SHLD2: variants seen among roughly 807,000 people sequenced by gnomAD.
SHLD2 encodes RINN1-REV7-interacting novel NHEJ regulator 2.
A neutral mutation model predicts 73.2 loss-of-function variants in SHLD2; 30 were observed. The observed-to-expected ratio is 0.41, with a 90% CI of 0.31 to 0.56. SHLD2 has a LOEUF of 0.56. SHLD2 is among the 20% of genes least tolerant of loss of function. The pLI is 0.28. For missense variants in SHLD2, 745 were observed against 1,055.9 expected (o/e 0.71, Z 4.08); for synonymous variants, 285 against 370.1 (o/e 0.77, Z 2.64).
chr10:87,146,731 G>A (rs1342353709), intron 2 of SHLD2, among the ~76,000 whole-genome samples: 5 of 151,910 alleles, frequency 3.3e-5, no homozygotes, highest in Non-Finnish European at 7.4e-5. Context: ...AGACAAATAA[G>A]TGAAGGCACA....
At position 87,140,672 on chromosome 10, in the gene SHLD2, C is replaced by T. The variant is rs772489364; in HGVS notation, c.-5-10678C>T. On this transcript the variant is annotated intron_variant, in intron 2 of 9. Coordinates refer to ENST00000298786, the MANE Select transcript of SHLD2 (RefSeq NM_001330112.2). ...AATAGAATAAACAAATATAATCATA[C>T]CTAGGTATGTAATAATAAAATTAGT... is the stretch of plus-strand genomic sequence containing the variant. Among the ~76,000 whole-genome samples, 207 of 151,036 alleles carry T rather than the reference C, an allele frequency of 1.4e-3. 2 individuals are homozygous for T. The highest frequency in any genetic ancestry group is 3.5e-3 in the Middle Eastern group (1 of 286).
intron 2 of SHLD2, among the ~76,000 whole-genome samples, chr10:87,120,749 G>A (rs191184694): frequency 8.0e-4 from 121 of 152,168 alleles, no homozygotes; most frequent in Admixed American, 2.9e-3. Flanking sequence ...TATTTCCTTT[G>A]CAGCCCACAC....
intron 4 of SHLD2, among the ~76,000 whole-genome samples, chr10:87,166,143 A>G (rs555559566): frequency 1.1e-4 from 16 of 152,190 alleles, no homozygotes; most frequent in Non-Finnish European, 1.8e-4. Context: ...ACTTTTCTTC[A>G]ACACCGTATT....
intron 4 of SHLD2, among the ~76,000 whole-genome samples, chr10:87,166,418 A>G (rs937387063): frequency 7.2e-5 from 11 of 152,252 alleles, no homozygotes; most frequent in African/African-American, 2.6e-4. Context: ...ATAGTAATAA[A>G]TGTAACAAAG....
At chr10:87,151,023 C>CAT (rs1845974220) in intron 2 of SHLD2, among the ~76,000 whole-genome samples, 1 of 152,026 alleles carries the variant, frequency 6.6e-6, no homozygotes, top group Admixed American at 6.5e-5. Context: ...CGGCGTTTCA[C>CAT]GCTGTTAGGC....
At chr10:87,160,848 AG>A (rs1393453414) in intron 4 of SHLD2, among the ~76,000 whole-genome samples, 1 of 152,028 alleles carries the variant, frequency 6.6e-6, no homozygotes, top group Non-Finnish European at 1.5e-5. Flanking sequence ...AAAATTAGCC[AG>A]GTGTGGTGGT....
intron 2 of SHLD2, among the ~76,000 whole-genome samples, chr10:87,122,812 C>G (rs1843719569): frequency 6.6e-6 from 1 of 152,246 alleles, no homozygotes; most frequent in Admixed American, 6.5e-5. Context: ...GAGTCTCGCT[C>G]TGTCGCCCAG....
intron 2 of SHLD2, among the ~76,000 whole-genome samples, chr10:87,147,605 A>G (rs1320497090): frequency 1.3e-5 from 2 of 152,026 alleles, no homozygotes; most frequent in Non-Finnish European, 2.9e-5. Context: ...GAGATTACCC[A>G]TAGTAGGCCT....
At chr10:87,130,522 A>G (rs1844352335) in intron 2 of SHLD2, among the ~76,000 whole-genome samples, 1 of 152,164 alleles carries the variant, frequency 6.6e-6, no homozygotes, top group Admixed American at 6.5e-5. Flanking sequence ...GTAGTAACCT[A>G]ACCATGTGGT....
At chr10:87,100,781 T>A (rs1397975358) in intron 2 of SHLD2, among the ~76,000 whole-genome samples, 1 of 152,120 alleles carries the variant, frequency 6.6e-6, no homozygotes, top group Non-Finnish European at 1.5e-5. Flanking sequence ...CCAGGCCGAT[T>A]ACTCTAGCTT....
At position 87,190,535 on chromosome 10, in the gene SHLD2, C is replaced by G. The variant is rs200904581; in HGVS notation, c.2567C>G (p.Ser856Cys). ...YGMVVADLFHSLLAVSAEPCV... is the reference protein window; with the variant it reads ...YGMVVADLFHCLLAVSAEPCV... ...ATGGTCGTGGCAGACCTGTTCCACT[C>G]CTTGTTGGCAGTCAGCGCAGAACCT... is the stretch of plus-strand genomic sequence containing the variant. Residue 856 changes from serine (S) to cysteine (C), a missense_variant, in exon 10 of 10, where the codon TCC (serine) becomes TGC (cysteine). Around this residue, in one of 5 missense-constraint regions of SHLD2, gnomAD observed 418 missense variants for 567.8 expected, o/e 0.74. Coordinates refer to ENST00000298786, the MANE Select transcript of SHLD2 (RefSeq NM_001330112.2). 2.9e-5 allele frequency: 46 copies of G among 1,611,944 alleles called. No homozygotes were observed. The highest frequency in any genetic ancestry group is 5.9e-6 in the Non-Finnish European group (7 of 1,179,822).
In SHLD2 at chr10:87,170,863, C is replaced by A; in HGVS notation, c.1852C>A (p.Gln618Lys). 6.2e-7 allele frequency: 1 copy of A among 1,611,344 alleles called. No individual in the cohort carries two copies. Among genetic ancestry groups the A allele is most frequent in the Non-Finnish European group, 8.5e-7 (1 of 1,179,678 alleles). ...LTEAVYSYRGQKQKKVMLTVE... is the reference protein window; with the variant it reads ...LTEAVYSYRGKKQKKVMLTVE... ...AGAGGCAGTATACAGTTATAGAGGA[C>A]AGAAGCAGAAAAAAGTTATGTTAAC... is the stretch of plus-strand genomic sequence containing the variant. The change falls in exon 6 of 10, where the codon CAG becomes AAG. Residue 618 changes from glutamine (Q) to lysine (K), a missense_variant. Transcript: ENST00000298786.
At chr10:87,120,482 C>T (rs1331821948) in intron 2 of SHLD2, among the ~76,000 whole-genome samples, 6 of 151,688 alleles carry the variant, frequency 4.0e-5, no homozygotes, top group Non-Finnish European at 4.4e-5. Context: ...CTCCTGACCT[C>T]GTGATCTGCC....
At chr10:87,110,345 C>T (rs1842841577) in intron 2 of SHLD2, among the ~76,000 whole-genome samples, 2 of 152,016 alleles carry the variant, frequency 1.3e-5, no homozygotes, top group South Asian at 4.2e-4. Flanking sequence ...CACAATGGCT[C>T]ATGCCTGTAA....
intron 2 of SHLD2, among the ~76,000 whole-genome samples, chr10:87,116,589 G>T (rs1440376514): frequency 9.4e-6 from 1 of 106,838 alleles, no homozygotes; most frequent in East Asian, 3.6e-4. Context: ...GGGGGGATAA[G>T]GTCATCCACT....
At chr10:87,133,478 T>C (rs1177562235) in intron 2 of SHLD2, among the ~76,000 whole-genome samples, 3 of 152,224 alleles carry the variant, frequency 2.0e-5, no homozygotes, top group South Asian at 2.1e-4. Context: ...TTTAGTGTTA[T>C]GCTGTTTCCA....
intron 3 of SHLD2, among the ~76,000 whole-genome samples, chr10:87,153,141 A>T (rs891384635): frequency 6.6e-6 from 1 of 151,972 alleles, no homozygotes; most frequent in Non-Finnish European, 1.5e-5. Flanking sequence ...AGCCTTCCCT[A>T]GTCAGGTGGA....
rs550760830 is a variant in SHLD2, at chr10:87,109,138, G to A, written c.-6+12149G>A. ...GGAATATGGTTTGGGCATGTCATTG[G>A]CTATTATGCCTTTAGCAAGGCATGA... On this transcript the variant is annotated intron_variant, in intron 2 of 9. Coordinates refer to ENST00000298786, the MANE Select transcript of SHLD2 (RefSeq NM_001330112.2). Among the ~76,000 whole-genome samples the A allele has an allele frequency of 2.6e-5, 4 of 152,258 alleles. No individual in the cohort carries two copies. In the South Asian group the frequency reaches 6.2e-4, roughly 24 times the overall value.
intron 2 of SHLD2, among the ~76,000 whole-genome samples, chr10:87,113,697 T>C (rs1250971566): frequency 1.3e-5 from 2 of 152,140 alleles, no homozygotes; most frequent in Admixed American, 6.6e-5. Flanking sequence ...TGGTAAATTG[T>C]ATGCTATGTC....
Sources: allele counts gnomAD v4.1 joint callset (sites outside exome capture counted in the v4.1 genomes callset), GRCh38; gene constraint gnomAD v4.1.1; regional missense constraint gnomAD v4.1.1; transcripts MANE v1.5; gene names NCBI Gene and HGNC (gene_info 2026-07-23, HGNC 2026-07-21).